Variants in AGAP1 observed in about 807,000 individuals in gnomAD.
The protein encoded by AGAP1 is ArfGAP with GTPase domain, ankyrin repeat and PH domain 1, also known as arf-GAP with GTPase, ANK repeat and PH domain-containing protein 1.
AGAP1 carries 29 observed loss-of-function variants against 105.3 expected under a neutral mutation model. The ratio of observed to expected loss-of-function variants is 0.28; its 90% CI spans 0.21 to 0.38. The LOEUF is 0.38. AGAP1 is among the 10% of genes least tolerant of loss of function. The probability of loss-of-function intolerance (pLI) is 1.00; values close to 1 mark genes in which losing one functional copy is unlikely to be tolerated. For synonymous variants in AGAP1, 509 were observed against 485.9 expected (o/e 1.05, Z -0.63); for missense variants, 998 against 1,165.1 (o/e 0.86, Z 2.09).
At chr2:235,542,614 A>T (rs1943483491) in intron 1 of AGAP1, among the ~76,000 whole-genome samples, 1 of 152,254 alleles carries the variant, frequency 6.6e-6, no homozygotes, top group South Asian at 2.1e-4. Context: ...TAACAAAATG[A>T]TACATATTTT....
chr2:235,748,220 C>T (rs1272031521), intron 5 of AGAP1, among the ~76,000 whole-genome samples: 3 of 152,160 alleles, frequency 2.0e-5, no homozygotes, highest in African/African-American at 7.2e-5. Flanking sequence ...TCCCGTGGTG[C>T]ACCTTTGAAG....
intron 9 of AGAP1, among the ~76,000 whole-genome samples, chr2:235,876,407 C>G (rs977969907): frequency 5.3e-5 from 8 of 152,276 alleles, no homozygotes; most frequent in Non-Finnish European, 8.8e-5. Context: ...CCGGCCCTTG[C>G]GTGCTAAACC....
At position 236,121,633 on chromosome 2, in the gene AGAP1, A is replaced by C. The variant is rs1359222081; in HGVS notation, c.2370+1186A>C. ...CTTTTTTGATGGGTGCAGTTGGTGA[A>C]TGAGTGAGATATAGACACTACACCA... On this transcript the variant is annotated intron_variant, in intron 17 of 17. Coordinates refer to ENST00000304032, the MANE Select transcript of AGAP1 (RefSeq NM_001037131.3). The surrounding 1 kb of genome is among the most constrained non-coding windows in gnomAD (Gnocchi z 4.9). 6.6e-6 allele frequency among the ~76,000 whole-genome samples: 1 copy of C among 152,130 alleles called. No homozygotes were observed. The highest frequency in any genetic ancestry group is 1.5e-5 in the Non-Finnish European group (1 of 68,038).
At chr2:236,107,429 C>G (rs773952180) in intron 16 of AGAP1, among the ~76,000 whole-genome samples, 2 of 152,146 alleles carry the variant, frequency 1.3e-5, no homozygotes, top group Non-Finnish European at 2.9e-5. Context: ...CCTTTTTGCG[C>G]GCTTTCATGA....
intron 6 of AGAP1, chr2:235,774,344 AGAGG>A (rs1279501222): frequency 2.1e-6 from 1 of 470,498 alleles, no homozygotes; most frequent in East Asian, 6.9e-5. Flanking sequence ...GTGCTGCTGC[AGAGG>A]GAGTTCCATG....
chr2:236,049,419 G>A, intron 16 of AGAP1, 138 bp downstream of exon 16: 1 of 744,288 alleles, frequency 1.3e-6, no homozygotes, highest in Non-Finnish European at 2.2e-6. Flanking sequence ...ATCCGGCATA[G>A]GAATGTCTGT....
Position 236,002,221 on chromosome 2 carries a change from G to A in AGAP1, c.1645+33598G>A, listed in dbSNP as rs1236984510. On this transcript the variant is annotated intron_variant, in intron 13 of 17. Transcript: ENST00000304032. The surrounding 1 kb of genome is among the most constrained non-coding windows in gnomAD (Gnocchi z 4.3). ...AGAACATGTGTGGTAGGCACGTGCT[G>A]GGCACTGAAAATAAACAGACAAACA... Among the ~76,000 whole-genome samples the A allele has an allele frequency of 6.6e-6, 1 of 152,180 alleles. No individual in the cohort carries two copies. The highest frequency in any genetic ancestry group is 2.4e-5 in the African/African-American group (1 of 41,448).
chr2:235,871,416 G>A (rs927922719), intron 9 of AGAP1, among the ~76,000 whole-genome samples: 5 of 152,168 alleles, frequency 3.3e-5, no homozygotes, highest in Admixed American at 1.3e-4. Flanking sequence ...ATCCCCCTGC[G>A]TGGGGTGGCC....
Position 235,747,047 on chromosome 2 carries a change from ACACT to A in AGAP1, c.538+2211_538+2214del, listed in dbSNP as rs1953009850. Among the ~76,000 whole-genome samples the A allele has an allele frequency of 5.9e-5, 9 of 152,086 alleles. No homozygotes were observed. The South Asian group carries it at 1.9e-3, about 32-fold the overall frequency. ...GGGGTTCAACAGGAATTCCCAGAAG[ACACT>A]CAGTGCATCCGTGGGTATGTGATAG... On this transcript the variant is annotated intron_variant, in intron 5 of 17. Coordinates refer to ENST00000304032, the MANE Select transcript of AGAP1 (RefSeq NM_001037131.3). This position sits in a 1 kb window ranked among gnomAD's most constrained non-coding sequence, Gnocchi z 5.0.
At chr2:235,794,463 A>AT (rs1957148582) in intron 6 of AGAP1, among the ~76,000 whole-genome samples, 2 of 151,872 alleles carry the variant, frequency 1.3e-5, no homozygotes, top group Non-Finnish European at 2.9e-5. Context: ...AAGCTTCCAG[A>AT]TTTTTTTTAA....
At chr2:235,644,182 G>T (rs775790465) in intron 1 of AGAP1, among the ~76,000 whole-genome samples, 1 of 152,220 alleles carries the variant, frequency 6.6e-6, no homozygotes, top group African/African-American at 2.4e-5. Context: ...TGGTTGGGAA[G>T]TACTGGATGG....
intron 1 of AGAP1, among the ~76,000 whole-genome samples, chr2:235,565,600 T>C (rs1372831208): frequency 6.6e-6 from 1 of 152,250 alleles, no homozygotes; most frequent in East Asian, 1.9e-4. Flanking sequence ...ATGAAAATAC[T>C]CTTAAAAGAC....
In AGAP1 at chr2:235,744,558, G is replaced by A; in HGVS notation, c.397-140G>A. 1 of 984,360 alleles carries A rather than the reference G, an allele frequency of 1.0e-6. No homozygotes were observed. Among genetic ancestry groups the A allele is most frequent in the East Asian group, 2.4e-5 (1 of 41,534 alleles). 61.0% of individuals were successfully genotyped at this position (984,360 alleles called of 1,614,324 possible). On this transcript the variant is annotated intron_variant, in intron 4 of 17. Transcript: ENST00000304032. The surrounding 1 kb of genome is among the most constrained non-coding windows in gnomAD (Gnocchi z 5.2). ...GGATGCCGTGACAGTGTGTAAAAGTGACAGTCAAAAGTCAAGCACCCAGTG... is the reference window on the plus strand; with the variant it reads ...GGATGCCGTGACAGTGTGTAAAAGTAACAGTCAAAAGTCAAGCACCCAGTG...
In AGAP1 at chr2:235,866,312, G is replaced by A. The variant is rs982272686; in HGVS notation, c.1051-17033G>A. On this transcript the variant is annotated intron_variant, in intron 9 of 17. Coordinates refer to ENST00000304032, the MANE Select transcript of AGAP1 (RefSeq NM_001037131.3). This position sits in a 1 kb window ranked among gnomAD's most constrained non-coding sequence, Gnocchi z 6.1. ...AGCCCGAGCCGACTCAGACAGTCCTGACTCCCCAGAATTCCCACCGAGGGA... is the reference window on the plus strand; with the variant it reads ...AGCCCGAGCCGACTCAGACAGTCCTAACTCCCCAGAATTCCCACCGAGGGA... Among the ~76,000 whole-genome samples the A allele has an allele frequency of 1.3e-5, 2 of 152,280 alleles. No homozygotes were observed. The highest frequency in any genetic ancestry group is 4.8e-5 in the African/African-American group (2 of 41,558).
chr2:235,839,766 C>T (rs1311622733), intron 9 of AGAP1, among the ~76,000 whole-genome samples: 1 of 152,130 alleles, frequency 6.6e-6, no homozygotes. Context: ...ACCTCCTTTC[C>T]AGGAGATGTG....
intron 3 of AGAP1, among the ~76,000 whole-genome samples, chr2:235,730,670 T>C (rs1224810159): frequency 6.6e-6 from 1 of 152,054 alleles, no homozygotes; most frequent in East Asian, 1.9e-4. Context: ...AAAATAAATG[T>C]ATAAAATATT....
At chr2:235,790,876 G>A (rs889193792) in intron 6 of AGAP1, among the ~76,000 whole-genome samples, 3 of 152,316 alleles carry the variant, frequency 2.0e-5, no homozygotes, top group Middle Eastern at 6.8e-3. Flanking sequence ...TGGGCTGACT[G>A]TACTCTTTAG....
chr2:236,129,744 C>T lies in AGAP1; in HGVS notation c.*5622C>T, dbSNP rs1004816699. On this transcript the variant is annotated 3_prime_UTR_variant, in exon 18 of 18. Coordinates refer to ENST00000304032, the MANE Select transcript of AGAP1 (RefSeq NM_001037131.3). This position sits in a 1 kb window ranked among gnomAD's most constrained non-coding sequence, Gnocchi z 6.2. ...TAATCAGTGTGTCTGCGGCTTTCTT[C>T]GCGTCACATGTCCGCATTGGCAGGT... is the stretch of plus-strand genomic sequence containing the variant. The T allele has an allele frequency of 7.2e-5, 11 of 152,254 alleles. 1 individual carries two copies. The South Asian group carries it at 1.0e-3, about 14-fold the overall frequency. The allele number at this position is 152,254 out of a possible 1,614,324, so 9.4% of individuals were successfully genotyped here.
chr2:235,628,270 C>G (rs1946708275), intron 1 of AGAP1, among the ~76,000 whole-genome samples: 3 of 152,190 alleles, frequency 2.0e-5, no homozygotes, highest in African/African-American at 7.2e-5. Context: ...GCGAGAGTCC[C>G]TCACTTGCCT....
Sources: gnomAD v4.1 joint callset for allele counts (sites outside exome capture counted in the v4.1 genomes callset) on GRCh38, gnomAD v4.1.1 for gene constraint, Gnocchi (gnomAD v3.1) non-coding constraint, MANE v1.5 for transcripts, NCBI Gene and HGNC (gene_info 2026-07-23, HGNC 2026-07-21) for gene names.